CCNH: variants seen among roughly 807,000 people sequenced by gnomAD.
CCNH encodes the protein cyclin-H.
CCNH carries 31 observed loss-of-function variants against 41.9 expected under a neutral mutation model. That is an observed-to-expected ratio of 0.74 (90% CI 0.56 to 1.00). The LOEUF is 1.00. Ranked by LOEUF, CCNH falls within the 50% of genes least tolerant of loss-of-function variation. The probability of loss-of-function intolerance (pLI) is 0.00; values close to 1 mark genes in which losing one functional copy is unlikely to be tolerated. For synonymous variants in CCNH, 138 were observed against 136.1 expected, an observed-to-expected ratio of 1.01 and a Z score of -0.10; for missense variants, 362 against 388.4, an observed-to-expected ratio of 0.93 and a Z score of 0.57.
chr5:87,395,966 A>G (rs1762924970), intron 7 of CCNH, among the ~76,000 whole-genome samples: 1 of 151,906 alleles, frequency 6.6e-6, no homozygotes, highest in Non-Finnish European at 1.5e-5. Context: ...ATAATATATC[A>G]TATATAAATA....
At chr5:87,363,878 T>G (rs567009906) in intron 9 of CCNH, among the ~76,000 whole-genome samples, 1 of 152,112 alleles carries the variant, frequency 6.6e-6, no homozygotes, top group Admixed American at 6.6e-5. Flanking sequence ...ATAAGCAAGT[T>G]CTTAAGAAAG....
At chr5:87,336,896 A>G (rs1323213045) in intron 9 of CCNH, among the ~76,000 whole-genome samples, 2 of 152,112 alleles carry the variant, frequency 1.3e-5, no homozygotes, top group East Asian at 3.8e-4. Context: ...ATGATTATTC[A>G]AATATTGAGT....
downstream of CCNH, among the ~76,000 whole-genome samples, chr5:87,318,123 TTCATATA>T: frequency 6.6e-6 from 1 of 152,260 alleles, no homozygotes; most frequent in East Asian, 1.9e-4. Context: ...GAAGCGTGCT[TTCATATA>T]TCATATAGAA....
intron 9 of CCNH, among the ~76,000 whole-genome samples, chr5:87,338,537 T>TATATATATATATATATATATA (rs1421369290): frequency 1.3e-5 from 1 of 79,798 alleles, no homozygotes; most frequent in African/African-American, 4.6e-5. Context: ...ATATATAAAA[T>TATATATATATATATATATATA]TTTTTTTTTT....
intron 7 of CCNH, among the ~76,000 whole-genome samples, chr5:87,398,580 G>T (rs1211799175): frequency 1.3e-5 from 2 of 152,212 alleles, no homozygotes; most frequent in Middle Eastern, 3.4e-3. Context: ...AGCACAAATT[G>T]CCAATTTTAT....
intron 9 of CCNH, among the ~76,000 whole-genome samples, chr5:87,320,037 C>T (rs111563451): frequency 2.6e-5 from 4 of 152,296 alleles, no homozygotes; most frequent in African/African-American, 9.6e-5. Flanking sequence ...GTTCAAAGTT[C>T]CATACATCTC....
intron 7 of CCNH, among the ~76,000 whole-genome samples, chr5:87,396,901 G>A (rs1236644820): frequency 6.6e-6 from 1 of 152,188 alleles, no homozygotes; most frequent in African/African-American, 2.4e-5. Flanking sequence ...GCTGGCAAAG[G>A]TAAACAACTG....
chr5:87,325,279 G>A (rs1426904279), intron 9 of CCNH, among the ~76,000 whole-genome samples: 1 of 152,132 alleles, frequency 6.6e-6, no homozygotes, highest in Admixed American at 6.6e-5. Context: ...CCACCGGGTC[G>A]GGTCCCACCC....
At chr5:87,343,360 C>A (rs559209877) in intron 9 of CCNH, among the ~76,000 whole-genome samples, 1 of 152,276 alleles carries the variant, frequency 6.6e-6, no homozygotes, top group East Asian at 1.9e-4. Context: ...CCAAGTTGAT[C>A]TCCCTTGACT....
intron 9 of CCNH, among the ~76,000 whole-genome samples, chr5:87,335,484 G>A (rs1757908167): frequency 7.3e-6 from 1 of 136,208 alleles, no homozygotes; most frequent in Non-Finnish European, 1.5e-5. Flanking sequence ...GGAGTGCAAT[G>A]GTGCCATCTT....
At chr5:87,326,014 C>T (rs183371887) in intron 9 of CCNH, among the ~76,000 whole-genome samples, 1 of 152,248 alleles carries the variant, frequency 6.6e-6, no homozygotes, top group Non-Finnish European at 1.5e-5. Flanking sequence ...CTCTGTTGCC[C>T]AGTCTAGAGT....
chr5:87,346,625 C>A, intron 9 of CCNH: 2 of 1,257,484 alleles, frequency 1.6e-6, no homozygotes, highest in Non-Finnish European at 2.3e-6. Flanking sequence ...CATATGATAA[C>A]AGCAAAAAGG....
chr5:87,399,822 T>A (rs1283549634), intron 6 of CCNH, among the ~76,000 whole-genome samples: 1 of 151,890 alleles, frequency 6.6e-6, no homozygotes, highest in South Asian at 2.1e-4. Context: ...AAAAAAAAAA[T>A]CCCTAAATGA....
At chr5:87,367,932 T>C (rs1327149717) in intron 9 of CCNH, among the ~76,000 whole-genome samples, 1 of 152,168 alleles carries the variant, frequency 6.6e-6, no homozygotes, top group Admixed American at 6.5e-5. Context: ...AGATTTTTCC[T>C]TATATTTTTA....
intron 9 of CCNH, among the ~76,000 whole-genome samples, chr5:87,326,764 T>C (rs951766874): frequency 2.6e-5 from 4 of 152,192 alleles, no homozygotes; most frequent in Admixed American, 2.6e-4. Context: ...ATAGAATTTC[T>C]AGTTTATTAA....
chr5:87,403,993 C>T (rs1401939876), intron 5 of CCNH, among the ~76,000 whole-genome samples: 1 of 152,126 alleles, frequency 6.6e-6, no homozygotes, highest in African/African-American at 2.4e-5. Flanking sequence ...TGGGATTAAA[C>T]GTATACATTT....
chr5:87,383,668 A>T, intron 9 of CCNH: 2 of 1,379,820 alleles, frequency 1.4e-6, no homozygotes, highest in Non-Finnish European at 2.0e-6. Flanking sequence ...CACATTATAT[A>T]GGTGTTTTCT....
chr5:87,356,482 T>A (rs1759659509), intron 9 of CCNH, among the ~76,000 whole-genome samples: 1 of 151,930 alleles, frequency 6.6e-6, no homozygotes, highest in Non-Finnish European at 1.5e-5. Flanking sequence ...CTTGAGCTCC[T>A]GGGCTCAAGC....
chr5:87,367,340 C>G (rs1015127238), intron 9 of CCNH, among the ~76,000 whole-genome samples: 1 of 152,110 alleles, frequency 6.6e-6, no homozygotes, highest in East Asian at 1.9e-4. Flanking sequence ...CAAATTAATG[C>G]CAGGCATTGA....
Sources: allele counts gnomAD v4.1 joint callset (sites outside exome capture counted in the v4.1 genomes callset), GRCh38; gene constraint gnomAD v4.1.1; transcripts MANE v1.5; gene names NCBI Gene and HGNC (gene_info 2026-07-23, HGNC 2026-07-21).